The following ITGA9 variants were observed in gnomAD, a reference collection of about 807,000 sequenced individuals.
ITGA9 encodes integrin alpha-9.
Under a neutral mutation model 127.8 loss-of-function variants are expected in ITGA9, and 56 were observed. That is an observed-to-expected ratio of 0.44 (90% CI 0.35 to 0.55). The LOEUF (loss-of-function observed/expected upper bound fraction) is 0.55. Among genes scored for constraint, ITGA9 ranks in the 20% least tolerant of loss-of-function variants. ITGA9 has a pLI of 0.00. For synonymous variants in ITGA9, 508 were observed against 514.5 expected (o/e 0.99, Z 0.17); for missense variants, 1,196 against 1,347.1 (o/e 0.89, Z 1.76).
chr3:37,601,843 A>T (rs1270421706), intron 15 of ITGA9, among the ~76,000 whole-genome samples: 4 of 152,168 alleles, frequency 2.6e-5, no homozygotes, highest in Admixed American at 6.5e-5. Context: ...TATTCGGCTC[A>T]TGGTTCTGCA....
intron 15 of ITGA9, among the ~76,000 whole-genome samples, chr3:37,605,272 T>G (rs936419344): frequency 6.6e-6 from 1 of 152,100 alleles, no homozygotes; most frequent in African/African-American, 2.4e-5. Flanking sequence ...TGGGAAAGTC[T>G]GTGGAGCCAG....
At chr3:37,485,653 A>C (rs1166231056) in intron 4 of ITGA9, among the ~76,000 whole-genome samples, 1 of 152,032 alleles carries the variant, frequency 6.6e-6, no homozygotes, top group Non-Finnish European at 1.5e-5. Flanking sequence ...AGAGACTCTA[A>C]ATATGTGGGG....
chr3:37,706,130 C>T (rs2125675478), intron 18 of ITGA9, among the ~76,000 whole-genome samples: 1 of 152,286 alleles, frequency 6.6e-6, no homozygotes. Flanking sequence ...AGGACCCAGG[C>T]AAGTTCATTT....
intron 17 of ITGA9, among the ~76,000 whole-genome samples, chr3:37,658,429 C>T (rs1225620946): frequency 1.3e-5 from 2 of 152,124 alleles, no homozygotes; most frequent in Non-Finnish European, 2.9e-5. Context: ...ATCCCTTCAC[C>T]ATTATGTAAT....
chr3:37,678,691 T>C (rs962876441), intron 17 of ITGA9, among the ~76,000 whole-genome samples: 1 of 152,298 alleles, frequency 6.6e-6, no homozygotes, highest in Non-Finnish European at 1.5e-5. Flanking sequence ...AAAATCTAAG[T>C]GATCCAACAG....
chr3:37,749,000 C>A, intron 22 of ITGA9: 1 of 462,100 alleles, frequency 2.2e-6, no homozygotes, highest in Admixed American at 3.6e-5. Flanking sequence ...GTATTAATTT[C>A]TTATTGCTGC....
intron 17 of ITGA9, among the ~76,000 whole-genome samples, chr3:37,674,723 A>G (rs1700666201): frequency 6.6e-6 from 1 of 152,208 alleles, no homozygotes. Flanking sequence ...CAACCCACTG[A>G]TGGTCAGTCT....
At chr3:37,548,488 G>T (rs902122950) in intron 15 of ITGA9, among the ~76,000 whole-genome samples, 1 of 152,160 alleles carries the variant, frequency 6.6e-6, no homozygotes, top group African/African-American at 2.4e-5. Flanking sequence ...GTTAAAAAAA[G>T]TTTCGTGGAG....
In ITGA9 at chr3:37,629,087, T is replaced by A. The variant is rs1700204386; in HGVS notation, c.1690-100T>A. 7.4e-7 allele frequency: 1 copy of A among 1,357,444 alleles called. No homozygotes were observed. Among genetic ancestry groups the A allele is most frequent in the East Asian group, 2.3e-5 (1 of 43,562 alleles). 84.1% of individuals were successfully genotyped at this position (1,357,444 alleles called of 1,614,324 possible). ...CTCACGAGGGTGATTGTGAGGATTA[T>A]ATGAGGCAATTCATGTAGAAGGTCT... On this transcript the variant is annotated intron_variant, in intron 15 of 27. Coordinates refer to ENST00000264741, the MANE Select transcript of ITGA9 (RefSeq NM_002207.3). The surrounding 1 kb of genome is among the most constrained non-coding windows in gnomAD (Gnocchi z 4.5).
chr3:37,652,089 A>T (rs1160795666), intron 16 of ITGA9, among the ~76,000 whole-genome samples: 1 of 151,554 alleles, frequency 6.6e-6, no homozygotes, highest in African/African-American at 2.4e-5. Context: ...GTTTTGTGAG[A>T]CCTGAGGCTT....
intron 15 of ITGA9, among the ~76,000 whole-genome samples, chr3:37,592,835 G>GT (rs1699833784): frequency 6.6e-6 from 1 of 152,168 alleles, no homozygotes; most frequent in Non-Finnish European, 1.5e-5. Context: ...GGTGGGTGCT[G>GT]TAAGAATGTT....
At chr3:37,575,342 T>C (rs1380680675) in intron 15 of ITGA9, among the ~76,000 whole-genome samples, 1 of 152,136 alleles carries the variant, frequency 6.6e-6, no homozygotes, top group Non-Finnish European at 1.5e-5. Context: ...CACCTACTAG[T>C]GTTTTGTTGA....
At chr3:37,511,398 G>A (rs958723149) in intron 8 of ITGA9, among the ~76,000 whole-genome samples, 2 of 152,170 alleles carry the variant, frequency 1.3e-5, no homozygotes, top group African/African-American at 2.4e-5. Context: ...TTGAATTAAC[G>A]GAGTATGTGA....
rs912415021 is a variant in ITGA9, at chr3:37,552,963, C to T, written c.1689+10378C>T. 3.8e-4 allele frequency among the ~76,000 whole-genome samples: 56 copies of T among 148,184 alleles called. 1 individual carries two copies. The highest frequency in any genetic ancestry group is 1.3e-3 in the African/African-American group (50 of 39,850). ...CTGGTAGGCGGAGGTTGCAGTGAGC[C>T]AAGATTGTGCCACTGCACTCCAGCC... On this transcript the variant is annotated intron_variant, in intron 15 of 27. Coordinates refer to ENST00000264741, the MANE Select transcript of ITGA9 (RefSeq NM_002207.3).
intron 15 of ITGA9, among the ~76,000 whole-genome samples, chr3:37,626,099 C>A (rs1400923309): frequency 6.6e-6 from 1 of 152,204 alleles, no homozygotes; most frequent in Non-Finnish European, 1.5e-5. Flanking sequence ...TTAGAAACAG[C>A]CCTTACTTCA....
intron 26 of ITGA9, among the ~76,000 whole-genome samples, chr3:37,792,004 C>T (rs1244749164): frequency 6.6e-6 from 1 of 152,180 alleles, no homozygotes; most frequent in Non-Finnish European, 1.5e-5. Context: ...CCCCTTGAAC[C>T]TCACATTATG....
At chr3:37,727,211 T>C (rs1696222375) in intron 18 of ITGA9, among the ~76,000 whole-genome samples, 1 of 152,218 alleles carries the variant, frequency 6.6e-6, no homozygotes, top group Non-Finnish European at 1.5e-5. Context: ...GAATACCTAT[T>C]GTTTTTACAC....
At chr3:37,818,613 G>C in intron 27 of ITGA9, 1 of 475,582 alleles carries the variant, frequency 2.1e-6, no homozygotes, top group Non-Finnish European at 3.9e-6. Flanking sequence ...TCAGTAACTG[G>C]TATTCCCCAG....
At chr3:37,732,973 A>G (rs1696312725) in intron 19 of ITGA9, 175 bp downstream of exon 19, 2 of 665,326 alleles carry the variant, frequency 3.0e-6, no homozygotes, top group Non-Finnish European at 5.5e-6. Context: ...ACACCGGGGT[A>G]TACTCCGGAG....
Sources: gnomAD v4.1 joint callset for allele counts (sites outside exome capture counted in the v4.1 genomes callset) on GRCh38, gnomAD v4.1.1 for gene constraint, Gnocchi (gnomAD v3.1) non-coding constraint, MANE v1.5 for transcripts, NCBI Gene and HGNC (gene_info 2026-07-23, HGNC 2026-07-21) for gene names.